Variants in RPS6KC1 observed in about 807,000 individuals in gnomAD.
RPS6KC1 encodes the protein ribosomal protein S6 kinase C1, also known as inactive ribosomal protein S6 kinase delta-1.
Under a neutral mutation model 103.8 loss-of-function variants are expected in RPS6KC1, and 54 were observed. The ratio of observed to expected loss-of-function variants is 0.52; its 90% CI spans 0.42 to 0.65. The LOEUF (loss-of-function observed/expected upper bound fraction) is 0.65, where lower values mean the gene tolerates loss of function less well. Among genes scored for constraint, RPS6KC1 ranks in the 30% least tolerant of loss-of-function variants. RPS6KC1 has a pLI of 0.00. For missense variants in RPS6KC1, 1,151 were observed against 1,253.8 expected, an observed-to-expected ratio of 0.92 and a Z score of 1.24; for synonymous variants, 439 against 438.7, an observed-to-expected ratio of 1.00 and a Z score of -0.01.
chr1:213,748,739 T>C, the RPS6KC1 span, among the ~76,000 whole-genome samples: 5 of 152,238 alleles, frequency 3.3e-5, no homozygotes, highest in African/African-American at 1.2e-4. Flanking sequence ...AATAACATCA[T>C]GACAATCCTC....
chr1:213,850,630 T>C, the RPS6KC1 span, among the ~76,000 whole-genome samples: 1 of 152,364 alleles, frequency 6.6e-6, no homozygotes, highest in South Asian at 2.1e-4. Context: ...TTACTAGCAT[T>C]ACACTTAGGC....
the RPS6KC1 span, among the ~76,000 whole-genome samples, chr1:213,336,756 G>A: frequency 3.3e-5 from 5 of 152,304 alleles, no homozygotes; most frequent in South Asian, 2.1e-4. Flanking sequence ...GGCAGAGCCC[G>A]AAGCTAAATC....
chr1:213,649,682 C>T, the RPS6KC1 span, among the ~76,000 whole-genome samples: 6 of 152,122 alleles, frequency 3.9e-5, no homozygotes, highest in African/African-American at 9.7e-5. Context: ...TTACTTTCCA[C>T]GTTGTTGTGC....
chr1:213,297,108 A>G, the RPS6KC1 span, among the ~76,000 whole-genome samples: 9 of 152,316 alleles, frequency 5.9e-5, no homozygotes, highest in Non-Finnish European at 1.5e-5. Context: ...AGCAGATGAC[A>G]ATGGCGTGCA....
At chr1:213,512,853 A>C in the RPS6KC1 span, among the ~76,000 whole-genome samples, 5 of 152,298 alleles carry the variant, frequency 3.3e-5, no homozygotes, top group African/African-American at 4.8e-5. Context: ...TTAGTTCAAA[A>C]CACTGGTGAC....
the RPS6KC1 span, among the ~76,000 whole-genome samples, chr1:213,426,268 G>C: frequency 6.6e-6 from 1 of 152,272 alleles, no homozygotes; most frequent in Admixed American, 6.5e-5. Context: ...CTGCGGGAGG[G>C]CTTTTCTGCA....
chr1:213,533,466 C>T, the RPS6KC1 span, among the ~76,000 whole-genome samples: 2 of 152,120 alleles, frequency 1.3e-5, no homozygotes, highest in African/African-American at 4.8e-5. Context: ...CTAGGCCATT[C>T]CTGTCTCTCT....
At chr1:213,586,695 C>G in the RPS6KC1 span, among the ~76,000 whole-genome samples, 38 of 152,292 alleles carry the variant, frequency 2.5e-4, no homozygotes, top group Non-Finnish European at 4.6e-4. Flanking sequence ...GATCTTTCCT[C>G]CCCTCCCACC....
intron 6 of RPS6KC1, among the ~76,000 whole-genome samples, chr1:213,144,340 A>G (rs949342070): frequency 2.6e-5 from 4 of 152,038 alleles, no homozygotes; most frequent in South Asian, 4.1e-4. Flanking sequence ...CAGTGGCACA[A>G]TCATAGCTCA....
At chr1:213,744,532 T>TA in the RPS6KC1 span, among the ~76,000 whole-genome samples, 1 of 152,244 alleles carries the variant, frequency 6.6e-6, no homozygotes, top group Admixed American at 6.5e-5. Context: ...CAGGCAAGCC[T>TA]GGCTCTGCTA....
the RPS6KC1 span, among the ~76,000 whole-genome samples, chr1:213,563,972 C>CT: frequency 0.47 from 63,549 of 134,112 alleles, 17,901 homozygotes; most frequent in Non-Finnish European, 0.62. Flanking sequence ...TTGCTTACCT[C>CT]TTTTTTTTTT....
At chr1:213,725,225 AGTCT>A in the RPS6KC1 span, among the ~76,000 whole-genome samples, 1 of 152,258 alleles carries the variant, frequency 6.6e-6, no homozygotes, top group Admixed American at 6.5e-5. Context: ...GCACTACTGC[AGTCT>A]GTCCACGGTG....
intron 12 of RPS6KC1, among the ~76,000 whole-genome samples, chr1:213,250,842 CTG>C (rs1414689482): frequency 5.9e-5 from 9 of 152,300 alleles, no homozygotes; most frequent in Non-Finnish European, 8.8e-5. Context: ...AAAATTGTCT[CTG>C]TATTTAAAAT....
the RPS6KC1 span, among the ~76,000 whole-genome samples, chr1:213,605,290 T>G: frequency 2.6e-5 from 4 of 152,340 alleles, no homozygotes; most frequent in South Asian, 8.3e-4. Flanking sequence ...AAATTCATTC[T>G]TAAAAAGTCA....
chr1:213,285,855 C>T, the RPS6KC1 span, among the ~76,000 whole-genome samples: 2 of 152,248 alleles, frequency 1.3e-5, no homozygotes, highest in Admixed American at 6.5e-5. Context: ...TAGCCCCTTC[C>T]ACCATGTGAG....
rs1489318675 is a variant in RPS6KC1 at position 213,221,060 on chromosome 1, T to C, written c.1045-9437T>C. ...CTTTCAAAACAAAATACTCTACTTT[T>C]ATGACTCCATAAAAAATACAATCTT... On this transcript the variant is annotated intron_variant, in intron 8 of 14. Transcript: ENST00000366960. Among the ~76,000 whole-genome samples the C allele has an allele frequency of 3.3e-5, 5 of 152,202 alleles. No individual in the cohort carries two copies. In the East Asian group the frequency reaches 9.6e-4, roughly 29 times the overall value.
At chr1:213,436,830 A>G in the RPS6KC1 span, among the ~76,000 whole-genome samples, 1 of 152,188 alleles carries the variant, frequency 6.6e-6, no homozygotes, top group Non-Finnish European at 1.5e-5. Flanking sequence ...GATACATAGA[A>G]ATGCAATCCA....
the RPS6KC1 span, among the ~76,000 whole-genome samples, chr1:213,850,515 G>GTCT: frequency 1.3e-5 from 2 of 152,202 alleles, no homozygotes; most frequent in Non-Finnish European, 2.9e-5. Flanking sequence ...GGGTCAGGCA[G>GTCT]GCCATCTACA....
At chr1:213,210,638 T>G (rs1482490803) in intron 8 of RPS6KC1, among the ~76,000 whole-genome samples, 1 of 152,252 alleles carries the variant, frequency 6.6e-6, no homozygotes, top group Non-Finnish European at 1.5e-5. Flanking sequence ...CATGAACACA[T>G]TGTGTTCTTA....
Sources: gnomAD v4.1 joint callset for allele counts (sites outside exome capture counted in the v4.1 genomes callset) on GRCh38, gnomAD v4.1.1 for gene constraint, MANE v1.5 for transcripts, NCBI Gene and HGNC (gene_info 2026-07-23, HGNC 2026-07-21) for gene names.